MAGI2: variants seen among roughly 807,000 people sequenced by gnomAD.
The protein encoded by MAGI2 is membrane-associated guanylate kinase, WW and PDZ domain-containing protein 2.
Under a neutral mutation model 133.3 loss-of-function variants are expected in MAGI2, and 35 were observed. That is an observed-to-expected ratio of 0.26 (90% CI 0.20 to 0.35). The LOEUF (loss-of-function observed/expected upper bound fraction) is 0.35. Among genes scored for constraint, MAGI2 ranks in the 10% least tolerant of loss-of-function variants. The pLI, the probability that MAGI2 is intolerant of heterozygous loss-of-function variation, is 1.00. For synonymous variants in MAGI2, 729 were observed against 710.6 expected (o/e 1.03, Z -0.41); for missense variants, 1,636 against 1,863.4 (o/e 0.88, Z 2.25).
At chr7:79,431,088 A>G (rs1847746028) in intron 1 of MAGI2, among the ~76,000 whole-genome samples, 1 of 152,236 alleles carries the variant, frequency 6.6e-6, no homozygotes, top group Non-Finnish European at 1.5e-5. Context: ...GCAGAAAGAA[A>G]TAGCTGATGC....
At chr7:78,023,462 G>T (rs1056971558) in intron 21 of MAGI2, among the ~76,000 whole-genome samples, 4 of 152,066 alleles carry the variant, frequency 2.6e-5, no homozygotes, top group African/African-American at 4.8e-5. Flanking sequence ...TTATGAGGTG[G>T]TTGCCAAGGA....
At chr7:79,422,053 G>T (rs1191541772) in intron 1 of MAGI2, among the ~76,000 whole-genome samples, 3 of 151,968 alleles carry the variant, frequency 2.0e-5, no homozygotes, top group East Asian at 1.9e-4. Context: ...TCTGAAGAAT[G>T]ATATTGAAAT....
chr7:78,867,258 T>C (rs1296251253), intron 2 of MAGI2, among the ~76,000 whole-genome samples: 1 of 150,398 alleles, frequency 6.6e-6, no homozygotes, highest in Non-Finnish European at 1.5e-5. Context: ...TATTGCGGCA[T>C]TATTCACAAT....
At chr7:79,191,688 T>G (rs1224045455) in intron 1 of MAGI2, among the ~76,000 whole-genome samples, 1 of 151,820 alleles carries the variant, frequency 6.6e-6, no homozygotes, top group Non-Finnish European at 1.5e-5. Flanking sequence ...TCTTATGTTT[T>G]AGGTGGTTAC....
In MAGI2 at chr7:79,086,752, T is replaced by G. The variant is rs141171080; in HGVS notation, c.302-79546A>C. On this transcript the variant is annotated intron_variant, in intron 1 of 21. Coordinates refer to ENST00000354212, the MANE Select transcript of MAGI2 (RefSeq NM_012301.4). The stretch of plus-strand genomic sequence containing the variant: ...ATTGAAAACACTGAGAATAAAAATA[T>G]TTCTTTAAAATGTAGGTAATTATAA... Among the ~76,000 whole-genome samples, 201 of 151,938 alleles carry G rather than the reference T, an allele frequency of 1.3e-3. 1 individual carries two copies. Among genetic ancestry groups the G allele is most frequent in the African/African-American group, 4.6e-3 (192 of 41,508 alleles).
rs542376979 is a variant in MAGI2, at chr7:78,753,209, A to C, written c.419-125970T>G. ...ACAGTTATTTTAAGGCAGCTATTAT[A>C]ATTATGATCAAGGACATAAAGGAAA... On this transcript the variant is annotated intron_variant, in intron 2 of 21. Transcript: ENST00000354212. 3.9e-5 allele frequency among the ~76,000 whole-genome samples: 6 copies of C among 152,264 alleles called. No individual in the cohort carries two copies. In the East Asian group the frequency reaches 1.2e-3, roughly 29 times the overall value.
At chr7:79,136,760 A>C (rs1054047069) in intron 1 of MAGI2, among the ~76,000 whole-genome samples, 1 of 152,202 alleles carries the variant, frequency 6.6e-6, no homozygotes, top group African/African-American at 2.4e-5. Flanking sequence ...TTATGATGGA[A>C]GTAATTGAGT....
intron 16 of MAGI2, among the ~76,000 whole-genome samples, chr7:78,143,896 C>A (rs1327463522): frequency 2.0e-5 from 3 of 149,766 alleles, no homozygotes; most frequent in Non-Finnish European, 4.4e-5. Context: ...ATCTTAGGAC[C>A]ATTTTTCTTT....
chr7:79,026,680 C>T (rs1809916900), intron 1 of MAGI2, among the ~76,000 whole-genome samples: 1 of 151,936 alleles, frequency 6.6e-6, no homozygotes. Context: ...CGAGAGCAGC[C>T]TGGCCAACAT....
At chr7:79,409,741 G>A (rs1270325820) in intron 1 of MAGI2, among the ~76,000 whole-genome samples, 5 of 152,056 alleles carry the variant, frequency 3.3e-5, no homozygotes, top group African/African-American at 7.2e-5. Context: ...CATCAGATAC[G>A]AGGTTATTTT....
intron 1 of MAGI2, among the ~76,000 whole-genome samples, chr7:79,212,483 T>C (rs1023981400): frequency 1.3e-5 from 2 of 152,108 alleles, no homozygotes; most frequent in Non-Finnish European, 2.9e-5. Context: ...AGAGTTACTA[T>C]TTCCTCAAAC....
At chr7:78,729,605 A>G (rs1335251131) in intron 2 of MAGI2, among the ~76,000 whole-genome samples, 1 of 152,226 alleles carries the variant, frequency 6.6e-6, no homozygotes, top group East Asian at 1.9e-4. Flanking sequence ...ACAGTGGTGT[A>G]CAAGAACCAC....
chr7:78,852,808 T>C (rs1216598401), intron 2 of MAGI2, among the ~76,000 whole-genome samples: 1 of 152,120 alleles, frequency 6.6e-6, no homozygotes. Context: ...TTAAGTGATT[T>C]AGCAGTGGAG....
intron 6 of MAGI2, among the ~76,000 whole-genome samples, chr7:78,451,943 A>G (rs1222509574): frequency 6.6e-6 from 1 of 152,094 alleles, no homozygotes; most frequent in Non-Finnish European, 1.5e-5. Flanking sequence ...AAAATATTTC[A>G]CAATGGAGAA....
intron 21 of MAGI2, among the ~76,000 whole-genome samples, chr7:78,042,437 T>C (rs1438996305): frequency 6.6e-6 from 1 of 152,048 alleles, no homozygotes; most frequent in East Asian, 1.9e-4. Flanking sequence ...ATTTTGGGAG[T>C]GTCTGGAGGG....
chr7:78,358,716 T>A (rs1400243946), intron 7 of MAGI2: 3 of 223,792 alleles, frequency 1.3e-5, no homozygotes, highest in Non-Finnish European at 2.6e-5. Context: ...AAATACCAGG[T>A]AGTGACAGCC....
At chr7:78,756,427 TA>T (rs1326722449) in intron 2 of MAGI2, among the ~76,000 whole-genome samples, 1 of 152,186 alleles carries the variant, frequency 6.6e-6, no homozygotes, top group Non-Finnish European at 1.5e-5. Flanking sequence ...TATATTTAGT[TA>T]TTTTTTTTTC....
At chr7:79,091,313 G>T (rs1817028599) in intron 1 of MAGI2, among the ~76,000 whole-genome samples, 1 of 152,080 alleles carries the variant, frequency 6.6e-6, no homozygotes, top group African/African-American at 2.4e-5. Flanking sequence ...AATAGTCTAT[G>T]AAACGTCACA....
At chr7:79,200,958 C>T (rs1311550356) in intron 1 of MAGI2, among the ~76,000 whole-genome samples, 1 of 151,954 alleles carries the variant, frequency 6.6e-6, no homozygotes. Flanking sequence ...AGTAACACTC[C>T]TTACCTATTT....
Sources: allele counts gnomAD v4.1 joint callset (sites outside exome capture counted in the v4.1 genomes callset), GRCh38; gene constraint gnomAD v4.1.1; transcripts MANE v1.5; gene names NCBI Gene and HGNC (gene_info 2026-07-23, HGNC 2026-07-21).